SSBP2: variants seen among roughly 807,000 people sequenced by gnomAD.
SSBP2 encodes single stranded DNA binding protein 2.
SSBP2 carries 17 observed loss-of-function variants against 61.8 expected under a neutral mutation model. That is an observed-to-expected ratio of 0.28 (90% CI 0.19 to 0.41). SSBP2 has a LOEUF of 0.41. Ranked by LOEUF, SSBP2 falls within the 10% of genes least tolerant of loss-of-function variation. The probability of loss-of-function intolerance (pLI) is 1.00; values close to 1 mark genes in which losing one functional copy is unlikely to be tolerated. For synonymous variants in SSBP2, 139 were observed against 141.3 expected (o/e 0.98, Z 0.12); for missense variants, 310 against 458.7 (o/e 0.68, Z 2.96).
chr5:81,643,785 T>A (rs547437924), intron 2 of SSBP2, among the ~76,000 whole-genome samples: 43 of 152,096 alleles, frequency 2.8e-4, no homozygotes, highest in Non-Finnish European at 5.6e-4. Flanking sequence ...GTATTTTTAG[T>A]AGAGACGGGA....
At chr5:81,717,079 C>T (rs908938846) in intron 1 of SSBP2, among the ~76,000 whole-genome samples, 10 of 152,072 alleles carry the variant, frequency 6.6e-5, no homozygotes, top group African/African-American at 2.4e-4. Flanking sequence ...ATTAATATAA[C>T]CTGCTGGAAG....
intron 1 of SSBP2, among the ~76,000 whole-genome samples, chr5:81,668,503 G>T (rs1416677171): frequency 1.3e-5 from 2 of 151,696 alleles, no homozygotes; most frequent in Non-Finnish European, 2.9e-5. Context: ...TTATAAAACT[G>T]CATTTTTACT....
chr5:81,744,386 A>G (rs74465471), intron 1 of SSBP2, among the ~76,000 whole-genome samples: 2,506 of 152,286 alleles, frequency 0.016, 76 homozygotes, highest in African/African-American at 0.057. Flanking sequence ...AGATCACTAA[A>G]ATAAATCATA....
At chr5:81,550,263 A>G (rs768861700) in intron 4 of SSBP2, among the ~76,000 whole-genome samples, 3 of 152,154 alleles carry the variant, frequency 2.0e-5, no homozygotes, top group Non-Finnish European at 2.9e-5. Flanking sequence ...TATTTAACAT[A>G]ATCAAGTTTT....
At chr5:81,692,568 A>G (rs1753284984) in intron 1 of SSBP2, among the ~76,000 whole-genome samples, 1 of 152,184 alleles carries the variant, frequency 6.6e-6, no homozygotes, top group Non-Finnish European at 1.5e-5. Flanking sequence ...GAGCAGAGAG[A>G]ACAAAACTGG....
At chr5:81,741,980 T>G (rs1757053972) in intron 1 of SSBP2, among the ~76,000 whole-genome samples, 1 of 152,198 alleles carries the variant, frequency 6.6e-6, no homozygotes, top group South Asian at 2.1e-4. Context: ...TGTAGCATAA[T>G]GAAAGGAACA....
chr5:81,421,636 T>C (rs1289781383), intron 16 of SSBP2, among the ~76,000 whole-genome samples: 3 of 152,192 alleles, frequency 2.0e-5, no homozygotes, highest in Non-Finnish European at 4.4e-5. Context: ...AAAAATGATT[T>C]AGAGAGAAAT....
chr5:81,493,281 GATAGATAGATA>G (rs1767014170), intron 5 of SSBP2, among the ~76,000 whole-genome samples: 1 of 151,610 alleles, frequency 6.6e-6, no homozygotes, highest in Admixed American at 6.6e-5. Flanking sequence ...TAGATAGATA[GATAGATAGATA>G]GATAGATAGA....
At chr5:81,505,364 G>T (rs75130863) in intron 5 of SSBP2, among the ~76,000 whole-genome samples, 1 of 152,150 alleles carries the variant, frequency 6.6e-6, no homozygotes, top group Non-Finnish European at 1.5e-5. Context: ...ACGCTACCTT[G>T]TAATAAGTTA....
At chr5:81,464,417 A>C (rs1007316278) in intron 9 of SSBP2, among the ~76,000 whole-genome samples, 14 of 152,222 alleles carry the variant, frequency 9.2e-5, no homozygotes, top group African/African-American at 3.4e-4. Flanking sequence ...CTAAGATACA[A>C]TACTGGTTAC....
At chr5:81,445,467 T>A (rs1763346292) in intron 12 of SSBP2, among the ~76,000 whole-genome samples, 1 of 152,004 alleles carries the variant, frequency 6.6e-6, no homozygotes. Context: ...GCTACCTTCA[T>A]AAATTAAACA....
At chr5:81,593,864 C>G (rs1234039593) in intron 4 of SSBP2, among the ~76,000 whole-genome samples, 1 of 152,220 alleles carries the variant, frequency 6.6e-6, no homozygotes, top group Non-Finnish European at 1.5e-5. Context: ...AAAGGAACAA[C>G]TGGTACCAGC....
intron 4 of SSBP2, among the ~76,000 whole-genome samples, chr5:81,537,601 T>C (rs1770910016): frequency 6.6e-6 from 1 of 152,212 alleles, no homozygotes; most frequent in African/African-American, 2.4e-5. Flanking sequence ...TCATCATTTA[T>C]CCAACAGCAT....
chr5:81,523,649 T>A (rs953593177), intron 4 of SSBP2, among the ~76,000 whole-genome samples: 56 of 152,162 alleles, frequency 3.7e-4, no homozygotes, highest in African/African-American at 1.2e-3. Context: ...TATGTTCAGC[T>A]CTCAAGAAGC....
chr5:81,458,766 A>G (rs1036264498), intron 10 of SSBP2, among the ~76,000 whole-genome samples: 8 of 152,174 alleles, frequency 5.3e-5, no homozygotes, highest in Admixed American at 2.6e-4. Flanking sequence ...GTTTTTGGGG[A>G]AAAATACCTC....
At chr5:81,426,548 T>G (rs543446262) in intron 16 of SSBP2, among the ~76,000 whole-genome samples, 50 of 152,218 alleles carry the variant, frequency 3.3e-4, no homozygotes, top group African/African-American at 1.2e-3. Flanking sequence ...AAGTTAGGGG[T>G]GGAAGAAGCC....
intron 9 of SSBP2, among the ~76,000 whole-genome samples, chr5:81,463,595 G>T (rs1429078513): frequency 2.0e-5 from 3 of 152,070 alleles, no homozygotes; most frequent in African/African-American, 7.2e-5. Flanking sequence ...AGCCACTTAG[G>T]AGGCTGAGGC....
intron 4 of SSBP2, among the ~76,000 whole-genome samples, chr5:81,536,163 T>C (rs1288787060): frequency 1.3e-5 from 2 of 152,108 alleles, no homozygotes; most frequent in Non-Finnish European, 2.9e-5. Context: ...ATTGGGGAAA[T>C]GCAAATTAAA....
At chr5:81,591,763 A>T (rs1775521841) in intron 4 of SSBP2, among the ~76,000 whole-genome samples, 1 of 152,246 alleles carries the variant, frequency 6.6e-6, no homozygotes, top group Admixed American at 6.5e-5. Context: ...GTGGGAATTA[A>T]AAAAGAGAAC....
Sources: gnomAD v4.1 joint callset for allele counts (sites outside exome capture counted in the v4.1 genomes callset) on GRCh38, gnomAD v4.1.1 for gene constraint, MANE v1.5 for transcripts, NCBI Gene and HGNC (gene_info 2026-07-23, HGNC 2026-07-21) for gene names.